The following SCOC variants were observed in gnomAD, a reference collection of about 807,000 sequenced individuals.
SCOC encodes the protein short coiled coil protein.
Under a neutral mutation model 9.9 loss-of-function variants are expected in SCOC, and 7 were observed. The ratio of observed to expected loss-of-function variants is 0.71; its 90% CI spans 0.40 to 1.33. SCOC has a LOEUF of 1.33. Among genes scored for constraint, SCOC ranks in the 40% most tolerant of loss-of-function variants. The probability of loss-of-function intolerance (pLI) is 0.01; values close to 1 mark genes in which losing one functional copy is unlikely to be tolerated. For missense variants in SCOC, 66 were observed against 89.7 expected, an observed-to-expected ratio of 0.74 and a Z score of 1.07; for synonymous variants, 19 against 28.2, an observed-to-expected ratio of 0.67 and a Z score of 1.03.
upstream of SCOC, among the ~76,000 whole-genome samples, chr4:140,372,345 A>T (rs143915435): frequency 7.2e-5 from 11 of 152,312 alleles, no homozygotes; most frequent in African/African-American, 2.6e-4. Flanking sequence ...GTTTCTCTTG[A>T]TCTTTGGTGT....
intron 3 of SCOC, among the ~76,000 whole-genome samples, 166 bp downstream of exon 3, chr4:140,379,818 A>G (rs1728494725): frequency 6.6e-6 from 1 of 152,248 alleles, no homozygotes; most frequent in African/African-American, 2.4e-5. Flanking sequence ...TTTAAAGAAC[A>G]GATACACTTC....
intron 1 of SCOC, chr4:140,291,593 T>C (rs990548163): frequency 1.1e-5 from 5 of 446,538 alleles, no homozygotes; most frequent in Non-Finnish European, 2.3e-5. Context: ...TTATAATCAA[T>C]ATCCTTTCTC....
At chr4:140,356,480 G>A (rs1727233550) in intron 2 of SCOC, among the ~76,000 whole-genome samples, 1 of 152,172 alleles carries the variant, frequency 6.6e-6, no homozygotes, top group South Asian at 2.1e-4. Context: ...AAAATCATAT[G>A]TTGCATGTAG....
upstream of SCOC, among the ~76,000 whole-genome samples, chr4:140,341,027 A>C (rs1726495617): frequency 1.3e-5 from 2 of 151,416 alleles, no homozygotes; most frequent in African/African-American, 4.9e-5. Context: ...CGAACTCCTG[A>C]CCTTGTGATC....
chr4:140,321,031 T>C (rs72714294), intron 1 of SCOC, among the ~76,000 whole-genome samples: 2,819 of 152,164 alleles, frequency 0.019, 43 homozygotes, highest in Middle Eastern at 0.031. Flanking sequence ...ACAGACTCTC[T>C]CCGGAGGATA....
At chr4:140,282,480 TC>T (rs1273049372) in intron 1 of SCOC, among the ~76,000 whole-genome samples, 1 of 152,068 alleles carries the variant, frequency 6.6e-6, no homozygotes, top group Non-Finnish European at 1.5e-5. Context: ...CCACCCCCCG[TC>T]CCCATGAAGG....
chr4:140,367,305 G>T (rs1342693681), intron 2 of SCOC, among the ~76,000 whole-genome samples: 2 of 152,252 alleles, frequency 1.3e-5, no homozygotes, highest in East Asian at 1.9e-4. Context: ...GCTCTTCAGA[G>T]AATTACTTTA....
Position 140,373,771 on chromosome 4 carries a change from T to G in SCOC, c.-51+54T>G, listed in dbSNP as rs551207926. ...CTGGCCCCAGGCGACTAGAGCTGCA[T>G]CCTCAGTACCTCCGAGGGCCTGGAG... On this transcript the variant is annotated intron_variant, in intron 1 of 3. Transcript: ENST00000608372. 7.9e-5 allele frequency: 119 copies of G among 1,500,028 alleles called. No homozygotes were observed. In the African/African-American group the frequency reaches 1.4e-3, roughly 18 times the overall value. The allele number at this position is 1,500,028 out of a possible 1,614,324, so 92.9% of individuals were successfully genotyped here. A position where few individuals can be genotyped will look rare whatever the true frequency, so the allele number is the denominator to read the frequency against.
intron 1 of SCOC, among the ~76,000 whole-genome samples, chr4:140,273,282 T>C (rs1009337032): frequency 6.6e-6 from 1 of 152,264 alleles, no homozygotes; most frequent in Admixed American, 6.5e-5. Flanking sequence ...TCAGGTTTTA[T>C]AAAATTATTT....
intron 1 of SCOC, among the ~76,000 whole-genome samples, chr4:140,292,188 G>GTTT (rs1560686449): frequency 7.4e-6 from 1 of 135,934 alleles, no homozygotes; most frequent in East Asian, 2.0e-4. Context: ...GTACTCTTCT[G>GTTT]GTTTTTTTTT....
chr4:140,294,143 G>C (rs1731556078), intron 1 of SCOC, among the ~76,000 whole-genome samples: 1 of 152,214 alleles, frequency 6.6e-6, no homozygotes, highest in African/African-American at 2.4e-5. Context: ...GGCATGCTGA[G>C]AGTGGCAGCC....
chr4:140,376,549 A>G (rs1221913428), intron 1 of SCOC: 2 of 152,130 alleles, frequency 1.3e-5, no homozygotes, highest in African/African-American at 2.4e-5. Flanking sequence ...CCCTTATAGC[A>G]CTGTTCTTGT....
At chr4:140,258,768 T>G (rs188366890) in intron 1 of SCOC, among the ~76,000 whole-genome samples, 1 of 152,282 alleles carries the variant, frequency 6.6e-6, no homozygotes, top group East Asian at 1.9e-4. Context: ...AGGAACCAAA[T>G]CCAGTGTAGA....
chr4:140,288,764 T>C lies in SCOC; in HGVS notation c.-19+31354T>C, dbSNP rs1368171601. Among the ~76,000 whole-genome samples the C allele has an allele frequency of 4.6e-5, 7 of 151,936 alleles. No individual in the cohort carries two copies. In the East Asian group the frequency reaches 1.4e-3, roughly 29 times the overall value. ...ACACACACCACACACATCACCCTCA[T>C]GCACATACCCCCTACGCATACCACA... On this transcript the variant is annotated intron_variant, in intron 1 of 4. Transcript: ENST00000394205.
At chr4:140,278,372 T>G (rs1160971617) in intron 1 of SCOC, among the ~76,000 whole-genome samples, 1 of 151,944 alleles carries the variant, frequency 6.6e-6, no homozygotes, top group Non-Finnish European at 1.5e-5. Context: ...CAATCTTGGC[T>G]CACTGCGAGC....
At chr4:140,306,126 A>C (rs1322257240) in intron 1 of SCOC, among the ~76,000 whole-genome samples, 1 of 152,340 alleles carries the variant, frequency 6.6e-6, no homozygotes, top group South Asian at 2.1e-4. Context: ...ACAGTTCCAC[A>C]TGGCTGGGGA....
At chr4:140,328,063 G>A (rs997348712) in intron 1 of SCOC, among the ~76,000 whole-genome samples, 1 of 152,154 alleles carries the variant, frequency 6.6e-6, no homozygotes, top group African/African-American at 2.4e-5. Context: ...CAGACTCCTC[G>A]TGCTTCTGCT....
Position 140,384,400 on chromosome 4 carries a change from C to A in SCOC, c.*3296C>A, listed in dbSNP as rs1728647858. ...ACTCGACCAAATTTTAGACAGGCACCTCTGAGCCCTGTTTTTGACTAGTCC... is the reference window on the plus strand; with the variant it reads ...ACTCGACCAAATTTTAGACAGGCACATCTGAGCCCTGTTTTTGACTAGTCC... On this transcript the variant is annotated 3_prime_UTR_variant, in exon 4 of 4. Transcript: ENST00000608372. 6.6e-6 allele frequency: 1 copy of A among 152,182 alleles called. No homozygotes were observed. Among genetic ancestry groups the A allele is most frequent in the African/African-American group, 2.4e-5 (1 of 41,448 alleles). 9.4% of individuals were successfully genotyped at this position (152,182 alleles called of 1,614,324 possible).
rs1260758149 is a variant in SCOC, at chr4:140,381,568, T to C, written c.*464T>C. The C allele has an allele frequency of 6.6e-6, 1 of 152,528 alleles. No individual in the cohort carries two copies. Among genetic ancestry groups the C allele is most frequent in the Non-Finnish European group, 1.5e-5 (1 of 68,170 alleles). The allele number at this position is 152,528 out of a possible 1,614,324, so 9.4% of individuals were successfully genotyped here. On this transcript the variant is annotated 3_prime_UTR_variant, in exon 4 of 4. Coordinates refer to ENST00000608372, the MANE Select transcript of SCOC (RefSeq NM_001153484.2). The stretch of plus-strand genomic sequence containing the variant: ...GCTAAGGAAAAAAATTGGTGTCACA[T>C]TTGTAAAAGTAATTTTAATAGTTAA...
Sources: gnomAD v4.1 joint callset for allele counts (sites outside exome capture counted in the v4.1 genomes callset) on GRCh38, gnomAD v4.1.1 for gene constraint, MANE v1.5 for transcripts, NCBI Gene and HGNC (gene_info 2026-07-23, HGNC 2026-07-21) for gene names.